Variants in TAX1BP1 observed in about 807,000 individuals in gnomAD.
TAX1BP1 encodes the protein tax1-binding protein 1.
TAX1BP1 carries 62 observed loss-of-function variants against 97.7 expected under a neutral mutation model. The ratio of observed to expected loss-of-function variants is 0.63; its 90% CI spans 0.52 to 0.78. The LOEUF (loss-of-function observed/expected upper bound fraction) is 0.78, where lower values mean the gene tolerates loss of function less well. TAX1BP1 is among the 30% of genes least tolerant of loss of function. The pLI is 0.00. For missense variants in TAX1BP1, 867 were observed against 916.1 expected (o/e 0.95, Z 0.69); for synonymous variants, 340 against 304.2 (o/e 1.12, Z -1.23).
intron 2 of TAX1BP1, among the ~76,000 whole-genome samples, chr7:27,749,648 G>A (rs1787952216): frequency 6.6e-6 from 1 of 152,252 alleles, no homozygotes; most frequent in African/African-American, 2.4e-5. Context: ...TCCTTTCTTT[G>A]AATTCCTCAT....
chr7:27,777,842 G>T (rs758572360), intron 5 of TAX1BP1, among the ~76,000 whole-genome samples: 4 of 152,124 alleles, frequency 2.6e-5, no homozygotes, highest in Non-Finnish European at 5.9e-5. Flanking sequence ...TTTTCTTTCA[G>T]GGATCACTGA....
intron 3 of TAX1BP1, among the ~76,000 whole-genome samples, chr7:27,764,741 A>G (rs1385686629): frequency 6.6e-6 from 1 of 152,018 alleles, no homozygotes; most frequent in East Asian, 1.9e-4. Flanking sequence ...CATTACTTGT[A>G]TATTTATTAG....
At chr7:27,747,317 T>A (rs1787861926) in intron 1 of TAX1BP1, among the ~76,000 whole-genome samples, 1 of 152,208 alleles carries the variant, frequency 6.6e-6, no homozygotes, top group Non-Finnish European at 1.5e-5. Context: ...GGGAAAACAT[T>A]TGGATCTTGC....
At chr7:27,770,868 C>T (rs986090516) in intron 5 of TAX1BP1, among the ~76,000 whole-genome samples, 2 of 152,004 alleles carry the variant, frequency 1.3e-5, no homozygotes, top group African/African-American at 4.8e-5. Context: ...GTGAAGTCTT[C>T]AATTCTGTCT....
intron 15 of TAX1BP1, among the ~76,000 whole-genome samples, chr7:27,819,452 C>T (rs1229681017): frequency 6.6e-6 from 1 of 152,078 alleles, no homozygotes; most frequent in Non-Finnish European, 1.5e-5. Flanking sequence ...GTGGCACTTG[C>T]TTTATATCAC....
At chr7:27,821,649 AAG>A (rs1491016473) in intron 15 of TAX1BP1, among the ~76,000 whole-genome samples, 1 of 151,696 alleles carries the variant, frequency 6.6e-6, no homozygotes, top group African/African-American at 2.4e-5. Context: ...AAAAAAAAAA[AAG>A]TAGTTAATTT....
intron 3 of TAX1BP1, among the ~76,000 whole-genome samples, chr7:27,762,693 A>T (rs1460221756): frequency 6.6e-6 from 1 of 152,190 alleles, no homozygotes; most frequent in Non-Finnish European, 1.5e-5. Flanking sequence ...TCACACTTCT[A>T]ATGTTAACAT....
At chr7:27,744,611 A>G (rs1005864852) in intron 1 of TAX1BP1, among the ~76,000 whole-genome samples, 5 of 152,224 alleles carry the variant, frequency 3.3e-5, no homozygotes, top group South Asian at 4.1e-4. Flanking sequence ...AGTTCTTACT[A>G]TGGTCTATTT....
At chr7:27,801,256 TA>T (rs1429173847) in intron 13 of TAX1BP1, among the ~76,000 whole-genome samples, 1 of 151,570 alleles carries the variant, frequency 6.6e-6, no homozygotes, top group East Asian at 1.9e-4. Flanking sequence ...TTTTTTTTTT[TA>T]CTGAAGACCA....
chr7:27,786,365 C>T (rs1235060664), intron 7 of TAX1BP1, among the ~76,000 whole-genome samples: 1 of 152,142 alleles, frequency 6.6e-6, no homozygotes, highest in Non-Finnish European at 1.5e-5. Flanking sequence ...GATCTCCTGA[C>T]CCGCCTCAGC....
At chr7:27,758,272 G>T (rs539167856) in intron 3 of TAX1BP1, 139 bp downstream of exon 3, 219 of 537,366 alleles carry the variant, frequency 4.1e-4, no homozygotes, top group African/African-American at 3.7e-3. Context: ...CTTAGCAAAA[G>T]CCCTAAGAAT....
intron 1 of TAX1BP1, among the ~76,000 whole-genome samples, chr7:27,747,620 A>G (rs2128307036): frequency 6.6e-6 from 1 of 152,248 alleles, no homozygotes; most frequent in South Asian, 2.1e-4. Context: ...ACCAGCTAAG[A>G]TTTTACATGG....
rs773612207 is a variant in TAX1BP1 at position 27,794,367 on chromosome 7, G to T, written c.1455G>T (p.Gln485His). The stretch of plus-strand genomic sequence containing the variant: ...TCACAAAGAAAACGGGGAATCAGCA[G>T]AAAGTGAATGATGCTTCAGTAAACA... ...NVFTKKTGNQ[Q>H]KVNDASVNTD... Residue 485 changes from glutamine (Q) to histidine (H), a missense_variant, in exon 11 of 17, where the codon CAG (glutamine) becomes CAT (histidine). Transcript: ENST00000396319. The T allele has an allele frequency of 6.2e-7, 1 of 1,613,300 alleles. No individual in the cohort carries two copies. Among genetic ancestry groups the T allele is most frequent in the Non-Finnish European group, 8.5e-7 (1 of 1,179,562 alleles).
In TAX1BP1 at chr7:27,785,458, A is replaced by G; in HGVS notation, c.821A>G (p.Lys274Arg). 6.2e-7 allele frequency: 1 copy of G among 1,613,020 alleles called. No homozygotes were observed. The highest frequency in any genetic ancestry group is 8.5e-7 in the Non-Finnish European group (1 of 1,179,732). Residue 274 changes from lysine (K) to arginine (R), a missense_variant, in exon 7 of 17, where the codon AAG (lysine) becomes AGG (arginine). By Grantham distance (26) the Lys-to-Arg change is conservative. Transcript: ENST00000396319. ...AGAGAACAACTTGAATGTCAGTTGA[A>G]GACAGAGAAGGATGAAAAGGAACTT... The part of the protein sequence containing the change: ...HEREQLECQL[K>R]TEKDEKELYK...
At position 27,787,422 on chromosome 7, in the gene TAX1BP1, A is replaced by T; in HGVS notation, c.857A>T (p.His286Leu). Reference protein sequence around the residue: ...EKDEKELYKVHLKNTEIENTK... With the variant: ...EKDEKELYKVLLKNTEIENTK... ...CATTTTCAAACACCATTACAGGTACATTTGAAGAATACAGAAATAGAAAAT... is the reference window on the plus strand; with the variant it reads ...CATTTTCAAACACCATTACAGGTACTTTTGAAGAATACAGAAATAGAAAAT... The change falls in exon 8 of 17, where the codon CAT (histidine) becomes CTT (leucine). Residue 286 changes from histidine (H) to leucine (L), a missense_variant. This residue lies in a region of TAX1BP1 where 822 missense variants were observed against 851.4 expected (regional missense o/e 0.97). Coordinates refer to ENST00000396319, the MANE Select transcript of TAX1BP1 (RefSeq NM_006024.7). The T allele has an allele frequency of 2.5e-6, 4 of 1,604,774 alleles. No individual in the cohort carries two copies. Among genetic ancestry groups the T allele is most frequent in the Non-Finnish European group, 3.4e-6 (4 of 1,176,986 alleles).
chr7:27,750,190 A>G (rs754000643), intron 2 of TAX1BP1, among the ~76,000 whole-genome samples: 25 of 152,316 alleles, frequency 1.6e-4, no homozygotes, highest in Admixed American at 5.2e-4. Flanking sequence ...GAGGAAGAAA[A>G]CAGAAATGTG....
chr7:27,773,036 T>C (rs1788903947), intron 5 of TAX1BP1, among the ~76,000 whole-genome samples: 1 of 152,082 alleles, frequency 6.6e-6, no homozygotes, highest in Admixed American at 6.6e-5. Flanking sequence ...ATAACTCATA[T>C]AACACTTAAT....
intron 13 of TAX1BP1, among the ~76,000 whole-genome samples, chr7:27,811,384 G>A (rs1790554537): frequency 6.6e-6 from 1 of 151,954 alleles, no homozygotes; most frequent in South Asian, 2.1e-4. Flanking sequence ...TTTTCTTAAT[G>A]TTTGCAAGTT....
intron 13 of TAX1BP1, among the ~76,000 whole-genome samples, chr7:27,807,407 TGTGTTTA>T (rs920481767): frequency 7.2e-5 from 11 of 152,176 alleles, no homozygotes; most frequent in African/African-American, 2.7e-4. Flanking sequence ...TTAGTTGTCA[TGTGTTTA>T]GTTTCCCTTT....
Sources: allele counts gnomAD v4.1 joint callset (sites outside exome capture counted in the v4.1 genomes callset), GRCh38; gene constraint gnomAD v4.1.1; regional missense constraint gnomAD v4.1.1; transcripts MANE v1.5; gene names NCBI Gene and HGNC (gene_info 2026-07-23, HGNC 2026-07-21).